Variants in ARHGEF18 observed in about 807,000 individuals in gnomAD.
ARHGEF18 encodes rho guanine nucleotide exchange factor 18.
Under a neutral mutation model 155.7 loss-of-function variants are expected in ARHGEF18, and 93 were observed. That is an observed-to-expected ratio of 0.60 (90% CI 0.50 to 0.71). The LOEUF (loss-of-function observed/expected upper bound fraction) is 0.71, where lower values mean the gene tolerates loss of function less well. Among genes scored for constraint, ARHGEF18 ranks in the 30% least tolerant of loss-of-function variants. The pLI, the probability that ARHGEF18 is intolerant of heterozygous loss-of-function variation, is 0.00. For missense variants in ARHGEF18, 1,593 were observed against 1,816.1 expected (o/e 0.88, Z 2.23); for synonymous variants, 742 against 753.1 (o/e 0.99, Z 0.24).
intron 10 of ARHGEF18, chr19:7,439,594 G>T (rs939286553): frequency 1.2e-6 from 1 of 842,136 alleles, no homozygotes; most frequent in Non-Finnish European, 1.5e-6. Context: ...GTTGATGTTG[G>T]GTTGGTTTAT....
Position 7,444,138 on chromosome 19 carries a change from A to G in ARHGEF18, c.1361-66A>G, listed in dbSNP as rs1974843363. 7 of 1,581,950 alleles carry G rather than the reference A, an allele frequency of 4.4e-6. No homozygotes were observed. Among genetic ancestry groups the G allele is most frequent in the African/African-American group, 1.3e-5 (1 of 74,510 alleles). On this transcript the variant is annotated intron_variant, in intron 13 of 28. Transcript: ENST00000668164. This position sits in a 1 kb window ranked among gnomAD's most constrained non-coding sequence, Gnocchi z 4.7. ...GTTCAGCACGTGAAGGGCAGGCAGC[A>G]CCCACGACTGCCCAGCGGGGCCGTG...
chr19:7,476,021 G>C (rs927197159), downstream of ARHGEF18, among the ~76,000 whole-genome samples: 4 of 152,216 alleles, frequency 2.6e-5, no homozygotes, highest in Non-Finnish European at 5.9e-5. Flanking sequence ...CAGCTGCTCA[G>C]AGCCACCTGG....
chr19:7,387,480 T>C (rs76047772), intron 10 of ARHGEF18, among the ~76,000 whole-genome samples: 218 of 152,156 alleles, frequency 1.4e-3, no homozygotes, highest in African/African-American at 4.9e-3. Context: ...GTTTTTTTGT[T>C]TGTTTGCATA....
At chr19:7,420,489 G>A (rs1415772356) in intron 10 of ARHGEF18, among the ~76,000 whole-genome samples, 9 of 152,162 alleles carry the variant, frequency 5.9e-5, no homozygotes, top group African/African-American at 2.4e-5. Context: ...CCAGCCTCAG[G>A]TGATCCGCCC....
intron 2 of ARHGEF18, among the ~76,000 whole-genome samples, chr19:7,364,339 G>A (rs974685243): frequency 7.0e-6 from 1 of 141,868 alleles, no homozygotes; most frequent in African/African-American, 2.7e-5. Flanking sequence ...AAGGATGAGA[G>A]GAAGAAAGGA....
Position 7,458,626 on chromosome 19 carries a change from A to T in ARHGEF18, c.2296A>T (p.Ile766Phe), listed in dbSNP as rs1383786899. The change falls in exon 19 of 29, where the codon ATC (isoleucine) becomes TTC (phenylalanine). Residue 766 changes from isoleucine (I) to phenylalanine (F), a missense_variant. Transcript: ENST00000668164. ...CTTGCAAGGGCCGGAGATGTATGAA[A>T]TCTACACGAGCTCCAAAGAGGACAG... ...ASLQGPEMYE[I>F]YTSSKEDRNA... 1 of 1,614,074 alleles carries T rather than the reference A, an allele frequency of 6.2e-7. No homozygotes were observed. Among genetic ancestry groups the T allele is most frequent in the African/African-American group, 1.3e-5 (1 of 74,938 alleles).
chr19:7,474,961 C>T (rs1024238851), downstream of ARHGEF18, among the ~76,000 whole-genome samples: 22 of 152,142 alleles, frequency 1.4e-4, no homozygotes, highest in Middle Eastern at 3.4e-3. Flanking sequence ...TGGCTGGGCA[C>T]GGTGGCCCAC....
At position 7,469,093 on chromosome 19, in the gene ARHGEF18, G is replaced by A. The variant is rs1976852363; in HGVS notation, c.3749G>A (p.Gly1250Asp). The change falls in exon 27 of 29, where the codon GGC (glycine) becomes GAC (aspartate). Residue 1250 changes from glycine (G) to aspartate (D), a missense_variant. Gly to Asp is a moderately conservative substitution (Grantham distance 94). Transcript: ENST00000668164. ...TCCACCAAGGGTGGCAAGGACAAGG[G>A]CGGCAAGAGCAGGGGCTCTCAGCGC... ...AASTKGGKDK[G>D]GKSRGSQRWE... 2 of 1,608,858 alleles carry A rather than the reference G, an allele frequency of 1.2e-6. No homozygotes were observed. Among genetic ancestry groups the A allele is most frequent in the Non-Finnish European group, 1.7e-6 (2 of 1,178,720 alleles).
rs1008369985 is a variant in ARHGEF18 at position 7,372,961 on chromosome 19, C to A, written c.165C>A (p.Thr55=). 1.6e-6 allele frequency: 2 copies of A among 1,234,596 alleles called. No individual in the cohort carries two copies. The highest frequency in any genetic ancestry group is 2.0e-6 in the Non-Finnish European group (2 of 988,340). The allele number at this position is 1,234,596 out of a possible 1,614,324, so 76.5% of individuals were successfully genotyped here. The change falls in exon 3 of 29, where the codon ACC becomes ACA. Residue 55 remains threonine (T), a synonymous_variant. Transcript: ENST00000668164. ...QPGETPDSRP[T]GEEPGRDSLF... is the part of the protein sequence containing the mutation. The stretch of plus-strand genomic sequence containing the variant: ...GGGAGACCCCAGACAGCCGCCCCAC[C>A]GGTGAAGAACCAGGAAGAGATTCTC...
downstream of ARHGEF18, chr19:7,473,090 T>C: frequency 2.2e-6 from 1 of 456,270 alleles, no homozygotes; most frequent in Non-Finnish European, 4.4e-6. Flanking sequence ...TAATCCACAA[T>C]AACCGCAAAG....
intron 15 of ARHGEF18, among the ~76,000 whole-genome samples, chr19:7,449,671 G>T (rs1430874170): frequency 6.6e-6 from 1 of 151,914 alleles, no homozygotes; most frequent in Non-Finnish European, 1.5e-5. Context: ...CCCCTGGCTG[G>T]TTCTCATTTA....
intron 10 of ARHGEF18, among the ~76,000 whole-genome samples, chr19:7,426,486 CAAAAAAAA>C (rs760020542): frequency 7.9e-5 from 8 of 100,786 alleles, no homozygotes; most frequent in East Asian, 2.4e-4. Context: ...GACTCTGTCT[CAAAAAAAA>C]AAAAAAAAGA....
At chr19:7,427,155 C>G (rs926308527) in intron 10 of ARHGEF18, among the ~76,000 whole-genome samples, 1 of 152,198 alleles carries the variant, frequency 6.6e-6, no homozygotes, top group African/African-American at 2.4e-5. Flanking sequence ...AAGGCGCACA[C>G]AGGATGTTTT....
intron 10 of ARHGEF18, among the ~76,000 whole-genome samples, chr19:7,398,194 C>T (rs527678582): frequency 6.6e-6 from 1 of 152,030 alleles, no homozygotes; most frequent in East Asian, 2.0e-4. Flanking sequence ...CTCAGCCTCC[C>T]GAGTAGCTGG....
rs8104234 is a variant in ARHGEF18 at position 7,394,934 on chromosome 19, G to A, written c.967+11731G>A. 616 of 495,134 alleles carry A rather than the reference G, an allele frequency of 1.2e-3. 3 individuals carry two copies. Among genetic ancestry groups the A allele is most frequent in the African/African-American group, 0.012 (582 of 47,170 alleles). 30.7% of individuals were successfully genotyped at this position (495,134 alleles called of 1,614,324 possible). A position where few individuals can be genotyped will look rare whatever the true frequency, so the allele number is the denominator to read the frequency against. ...CAAAAGTCGCCCTCACCCTCGCCGCGAGCACCCTCCCACTTCGGTGCCCGC... is the reference window on the plus strand; with the variant it reads ...CAAAAGTCGCCCTCACCCTCGCCGCAAGCACCCTCCCACTTCGGTGCCCGC... On this transcript the variant is annotated intron_variant, in intron 10 of 28. Transcript: ENST00000668164.
chr19:7,427,935 C>T (rs1973751919), intron 10 of ARHGEF18, among the ~76,000 whole-genome samples: 1 of 151,622 alleles, frequency 6.6e-6, no homozygotes. Flanking sequence ...CAGAGTGAGA[C>T]TCTGTCTCAA....
intron 10 of ARHGEF18, among the ~76,000 whole-genome samples, chr19:7,424,179 A>G (rs1973523170): frequency 6.6e-6 from 1 of 151,762 alleles, no homozygotes; most frequent in African/African-American, 2.4e-5. Context: ...GGCGCCCACC[A>G]CCACGCCCGG....
chr19:7,447,177 A>C lies in ARHGEF18; in HGVS notation c.1737+9A>C. 6.2e-7 allele frequency: 1 copy of C among 1,603,582 alleles called. No individual in the cohort carries two copies. The highest frequency in any genetic ancestry group is 2.2e-5 in the East Asian group (1 of 44,604). ...TTCAAAACTTGATCAAGGTAAAAAC[A>C]ATTTTTTTTTTTAATCAAAAACTTA... On this transcript the variant is annotated intron_variant, in intron 15 of 28. Coordinates refer to ENST00000668164, the MANE Select transcript of ARHGEF18 (RefSeq NM_001367823.1).
intron 10 of ARHGEF18, among the ~76,000 whole-genome samples, chr19:7,410,887 T>TA (rs79760255): frequency 0.58 from 86,888 of 150,010 alleles, 26,857 homozygotes; most frequent in Middle Eastern, 0.77. Context: ...CATAATTGTT[T>TA]AAAAAATGCC....
Sources: gnomAD v4.1 joint callset for allele counts (sites outside exome capture counted in the v4.1 genomes callset) on GRCh38, gnomAD v4.1.1 for gene constraint, Gnocchi (gnomAD v3.1) non-coding constraint, MANE v1.5 for transcripts, NCBI Gene and HGNC (gene_info 2026-07-23, HGNC 2026-07-21) for gene names.